MGA: variants seen among roughly 807,000 people sequenced by gnomAD.
MGA encodes MAX dimerization protein MGA, also known as MAX gene-associated protein.
In MGA, 40 loss-of-function variants were observed where a neutral mutation model predicts 261.1. That is an observed-to-expected ratio of 0.15 (90% CI 0.12 to 0.20). The LOEUF (loss-of-function observed/expected upper bound fraction) is 0.20, where lower values mean the gene tolerates loss of function less well. Ranked by LOEUF, MGA falls within the 10% of genes least tolerant of loss-of-function variation. The pLI is 1.00. For synonymous variants in MGA, 1,302 were observed against 1,290.6 expected (o/e 1.01, Z -0.19); for missense variants, 3,397 against 3,630.5 (o/e 0.94, Z 1.65).
intron 1 of MGA, among the ~76,000 whole-genome samples, chr15:41,635,099 T>G: frequency 6.6e-6 from 1 of 151,324 alleles, no homozygotes; most frequent in East Asian, 2.0e-4. Context: ...CTAGGGAGGC[T>G]GAGGCAGTTG....
At position 41,628,297 on chromosome 15, in the gene MGA, C is replaced by T. The variant is rs968283565; in HGVS notation, c.-68+6999C>T. On this transcript the variant is annotated intron_variant, in intron 1 of 8. Transcript: ENST00000566718. Reference sequence around the variant, plus strand: ...CTGAGGCATGAGAATATCTTGAACCCGGGAGGTTGCGGTGAGCTGAGATCG... The same window carrying T: ...CTGAGGCATGAGAATATCTTGAACCTGGGAGGTTGCGGTGAGCTGAGATCG... 7.9e-4 allele frequency among the ~76,000 whole-genome samples: 112 copies of T among 142,184 alleles called. 6 individuals are homozygous for T. The highest frequency in any genetic ancestry group is 1.1e-3 in the East Asian group (5 of 4,644). 93.3% of individuals were successfully genotyped at this position (142,184 alleles called of 152,430 possible).
Position 41,766,541 on chromosome 15 carries a change from A to G in MGA, c.8459A>G (p.Asp2820Gly). 6.2e-7 allele frequency: 1 copy of G among 1,613,976 alleles called. No homozygotes were observed. The stretch of plus-strand genomic sequence containing the variant: ...AACATGGAAGATGAGGATGATACTG[A>G]TGAGACACTGACTTCACTGCTCAAT... Residue 2820 changes from aspartate (D) to glycine (G), a missense_variant, in exon 24 of 24, where the codon GAT (aspartate) becomes GGT (glycine). By Grantham distance (94) the Asp-to-Gly change is moderately conservative. Coordinates refer to ENST00000219905, the MANE Select transcript of MGA (RefSeq NM_001164273.2).
At chr15:41,678,258 T>A (rs925046652) in intron 2 of MGA, among the ~76,000 whole-genome samples, 2 of 151,466 alleles carry the variant, frequency 1.3e-5, no homozygotes, top group Admixed American at 6.6e-5. Flanking sequence ...GCCCAGCTAA[T>A]TTTTGTATTT....
At chr15:41,641,147 G>T (rs2056812242) in intron 1 of MGA, among the ~76,000 whole-genome samples, 1 of 152,160 alleles carries the variant, frequency 6.6e-6, no homozygotes, top group African/African-American at 2.4e-5. Context: ...CATCCATGTT[G>T]TAGCATGTAT....
chr15:41,703,379 C>CCT (rs1555419047), intron 5 of MGA, among the ~76,000 whole-genome samples: 1 of 140,378 alleles, frequency 7.1e-6, no homozygotes, highest in Non-Finnish European at 1.6e-5. Flanking sequence ...CCCCCCCCCC[C>CCT]ACTCCCCACC....
chr15:41,622,015 C>T (rs530637837), intron 1 of MGA, among the ~76,000 whole-genome samples: 1 of 126,008 alleles, frequency 7.9e-6, no homozygotes, highest in Admixed American at 9.5e-5. Flanking sequence ...AGGTTGGCAG[C>T]GCGTGCTGCT....
At chr15:41,752,549 GTT>G (rs35282917) in intron 17 of MGA, among the ~76,000 whole-genome samples, 208 of 102,102 alleles carry the variant, frequency 2.0e-3, no homozygotes, top group South Asian at 0.012. Context: ...AACCTTTAAA[GTT>G]TTTTTTTTTT....
At chr15:41,660,869 G>A (rs1456890718) in intron 1 of MGA, among the ~76,000 whole-genome samples, 1 of 152,200 alleles carries the variant, frequency 6.6e-6, no homozygotes, top group Non-Finnish European at 1.5e-5. Context: ...GTGCCGCTCC[G>A]CGTGGTACGG....
chr15:41,739,635 ATAAC>A (rs545042378), intron 13 of MGA, among the ~76,000 whole-genome samples: 17 of 152,240 alleles, frequency 1.1e-4, no homozygotes, highest in Non-Finnish European at 2.4e-4. Context: ...TAACTTTCAC[ATAAC>A]TAGGATGCAG....
upstream of MGA, among the ~76,000 whole-genome samples, chr15:41,655,828 CCAAAGCCAGGGATA>C (rs2057156180): frequency 6.6e-6 from 1 of 152,186 alleles, no homozygotes; most frequent in South Asian, 2.1e-4. Flanking sequence ...GAAATGTTTG[CCAAAGCCAGGGATA>C]TAACTACGTA....
In MGA at chr15:41,754,461, G is replaced by A. The variant is rs2063027780; in HGVS notation, c.7033G>A (p.Asp2345Asn). ...GAATAACTGTGTAGAATACATTGAG[G>A]ATGATGAGGAGCACGTGGACATTGA... Residue 2345 changes from aspartate (D) to asparagine (N), a missense_variant, in exon 18 of 24, where the codon GAT becomes AAT. Coordinates refer to ENST00000219905, the MANE Select transcript of MGA (RefSeq NM_001164273.2). The A allele has an allele frequency of 6.4e-7, 1 of 1,555,190 alleles. No homozygotes were observed. Among genetic ancestry groups the A allele is most frequent in the South Asian group, 1.2e-5 (1 of 84,100 alleles).
At chr15:41,628,867 C>T (rs983493305) in intron 1 of MGA, among the ~76,000 whole-genome samples, 6 of 152,012 alleles carry the variant, frequency 3.9e-5, no homozygotes, top group Admixed American at 6.6e-5. Flanking sequence ...AGGCCGGGCA[C>T]GGTGGCTCAT....
chr15:41,716,371 G>A (rs917878156), intron 9 of MGA, among the ~76,000 whole-genome samples: 1 of 151,962 alleles, frequency 6.6e-6, no homozygotes, highest in Non-Finnish European at 1.5e-5. Context: ...GGAGAATGGT[G>A]TGAACCCGGG....
intron 2 of MGA, among the ~76,000 whole-genome samples, chr15:41,673,647 A>C (rs1211350603): frequency 1.4e-5 from 2 of 140,166 alleles, no homozygotes; most frequent in Non-Finnish European, 3.0e-5. Context: ...GGTTCAAGTG[A>C]TTCTCCTGCC....
chr15:41,723,450 C>G (rs909542255), intron 9 of MGA, among the ~76,000 whole-genome samples: 3 of 152,124 alleles, frequency 2.0e-5, no homozygotes, highest in East Asian at 1.9e-4. Context: ...GGGTCTTGCT[C>G]TGTCACCCAG....
intron 3 of MGA, among the ~76,000 whole-genome samples, chr15:41,697,422 T>C (rs969470973): frequency 2.0e-5 from 3 of 149,384 alleles, no homozygotes; most frequent in Non-Finnish European, 4.5e-5. Flanking sequence ...TCTTTTCTTT[T>C]TTTTTTTTTT....
intron 5 of MGA, among the ~76,000 whole-genome samples, chr15:41,703,494 A>G (rs907874547): frequency 4.7e-5 from 7 of 150,260 alleles, no homozygotes; most frequent in East Asian, 3.9e-4. Context: ...TAGCCTATCT[A>G]TATAAGTTAT....
At chr15:41,684,493 C>A in intron 2 of MGA, 2 of 409,228 alleles carry the variant, frequency 4.9e-6, no homozygotes, top group South Asian at 3.5e-5. Flanking sequence ...TTTCATTCAT[C>A]ATGTATAAAG....
intron 1 of MGA, among the ~76,000 whole-genome samples, chr15:41,641,856 T>C (rs1190480183): frequency 1.3e-4 from 19 of 150,532 alleles, no homozygotes; most frequent in Non-Finnish European, 1.5e-4. Context: ...TGTGCAGTGG[T>C]GCAGTCACAA....
Sources: gnomAD v4.1 joint callset for allele counts (sites outside exome capture counted in the v4.1 genomes callset) on GRCh38, gnomAD v4.1.1 for gene constraint, MANE v1.5 for transcripts, NCBI Gene and HGNC (gene_info 2026-07-23, HGNC 2026-07-21) for gene names.